KCNIP4: variants seen among roughly 807,000 people sequenced by gnomAD.
The protein encoded by KCNIP4 is Kv channel-interacting protein 4.
In KCNIP4, 12 loss-of-function variants were observed where a neutral mutation model predicts 34.0. That is an observed-to-expected ratio of 0.35 (90% CI 0.23 to 0.57). The LOEUF (loss-of-function observed/expected upper bound fraction) is 0.57, where lower values mean the gene tolerates loss of function less well. Ranked by LOEUF, KCNIP4 falls within the 20% of genes least tolerant of loss-of-function variation. The pLI is 0.83. For missense variants in KCNIP4, 238 were observed against 311.7 expected, an observed-to-expected ratio of 0.76 and a Z score of 1.78; for synonymous variants, 124 against 102.2, an observed-to-expected ratio of 1.21 and a Z score of -1.29.
At chr4:21,283,090 C>T (rs1762883145) in intron 1 of KCNIP4, among the ~76,000 whole-genome samples, 1 of 151,978 alleles carries the variant, frequency 6.6e-6, no homozygotes, top group Non-Finnish European at 1.5e-5. Context: ...CACAAAAGGC[C>T]CCATTTTCTA....
intron 5 of KCNIP4, among the ~76,000 whole-genome samples, chr4:20,745,204 T>C (rs1293474389): frequency 6.8e-6 from 1 of 147,794 alleles, no homozygotes; most frequent in Non-Finnish European, 1.5e-5. Context: ...TGTGAACCAA[T>C]GAAATTACCA....
chr4:21,761,555 A>G (rs1041189166), intron 1 of KCNIP4, among the ~76,000 whole-genome samples: 8 of 152,092 alleles, frequency 5.3e-5, no homozygotes, highest in Non-Finnish European at 1.2e-4. Context: ...AATTTAAAAC[A>G]TACAATTCTT....
intron 1 of KCNIP4, among the ~76,000 whole-genome samples, chr4:21,443,906 GA>G (rs970253119): frequency 3.6e-4 from 55 of 152,136 alleles, no homozygotes; most frequent in African/African-American, 1.2e-3. Flanking sequence ...CTCGAGCCTG[GA>G]ATCAAACAGA....
chr4:21,555,016 A>G (rs904075260), intron 1 of KCNIP4, among the ~76,000 whole-genome samples: 1 of 152,176 alleles, frequency 6.6e-6, no homozygotes, highest in Non-Finnish European at 1.5e-5. Context: ...TGAATAGCCT[A>G]TAGAAAGGCA....
At chr4:21,889,953 T>C (rs1389672035) in intron 1 of KCNIP4, among the ~76,000 whole-genome samples, 1 of 152,160 alleles carries the variant, frequency 6.6e-6, no homozygotes, top group Non-Finnish European at 1.5e-5. Context: ...GAATTGCTGG[T>C]GGCATTGATG....
At chr4:21,258,019 G>C (rs1012031977) in intron 1 of KCNIP4, among the ~76,000 whole-genome samples, 2 of 152,038 alleles carry the variant, frequency 1.3e-5, no homozygotes, top group Admixed American at 6.6e-5. Flanking sequence ...TTTGTCCTTA[G>C]AATCAAATAT....
At chr4:21,789,849 C>A (rs1326929520) in intron 1 of KCNIP4, among the ~76,000 whole-genome samples, 1 of 152,098 alleles carries the variant, frequency 6.6e-6, no homozygotes, top group Non-Finnish European at 1.5e-5. Flanking sequence ...GGCAACCCAC[C>A]CAAGTTGGGC....
At chr4:20,802,770 A>G (rs1373590190) in intron 3 of KCNIP4, among the ~76,000 whole-genome samples, 4 of 152,212 alleles carry the variant, frequency 2.6e-5, no homozygotes, top group Admixed American at 6.5e-5. Context: ...ATAAATCAAA[A>G]GAGAAATTTT....
At chr4:21,913,748 GA>G in intron 1 of KCNIP4, among the ~76,000 whole-genome samples, 1 of 152,158 alleles carries the variant, frequency 6.6e-6, no homozygotes, top group Middle Eastern at 3.4e-3. Flanking sequence ...AAGGACTATT[GA>G]AAAAAATATG....
At chr4:21,087,392 A>G (rs1423888254) in intron 1 of KCNIP4, among the ~76,000 whole-genome samples, 1 of 151,896 alleles carries the variant, frequency 6.6e-6, no homozygotes, top group Non-Finnish European at 1.5e-5. Context: ...TAGCCAGGAT[A>G]GTCTCAATCT....
At chr4:21,257,229 G>T (rs1291262188) in intron 1 of KCNIP4, among the ~76,000 whole-genome samples, 4 of 152,106 alleles carry the variant, frequency 2.6e-5, no homozygotes, top group Non-Finnish European at 5.9e-5. Flanking sequence ...CTTTTGGCAT[G>T]TTCGATTTGA....
At chr4:21,098,113 A>T (rs1452564789) in intron 1 of KCNIP4, among the ~76,000 whole-genome samples, 1 of 152,216 alleles carries the variant, frequency 6.6e-6, no homozygotes. Context: ...GAATAAAGTG[A>T]CTTTCTTCAC....
chr4:21,615,547 A>G (rs1744533411), intron 1 of KCNIP4, among the ~76,000 whole-genome samples: 1 of 112,228 alleles, frequency 8.9e-6, no homozygotes, highest in Admixed American at 9.7e-5. Flanking sequence ...CTCCGCCTCA[A>G]AAAAACAAAA....
In KCNIP4 at chr4:21,180,942, G is replaced by A. The variant is rs374510598; in HGVS notation, c.62-298233C>T. On this transcript the variant is annotated intron_variant, in intron 1 of 8. Transcript: ENST00000382152. Reference sequence around the variant, plus strand: ...AGTTTATACTGAAAGGGGAGGATGTGTTAATCTGTTTTAAGTTTAGGCTAC... The same window carrying A: ...AGTTTATACTGAAAGGGGAGGATGTATTAATCTGTTTTAAGTTTAGGCTAC... Among the ~76,000 whole-genome samples, 14 of 152,164 alleles carry A rather than the reference G, an allele frequency of 9.2e-5. No individual in the cohort carries two copies. The East Asian group carries it at 1.5e-3, about 17-fold the overall frequency.
intron 1 of KCNIP4, among the ~76,000 whole-genome samples, chr4:21,742,900 G>A (rs1036897094): frequency 6.7e-6 from 1 of 149,612 alleles, no homozygotes; most frequent in East Asian, 2.0e-4. Flanking sequence ...TAGTGGGATA[G>A]ATATGCCTTT....
At chr4:21,577,705 G>C (rs759666307) in intron 1 of KCNIP4, among the ~76,000 whole-genome samples, 4 of 152,088 alleles carry the variant, frequency 2.6e-5, no homozygotes, top group Non-Finnish European at 5.9e-5. Context: ...GTGCCTCTAT[G>C]CCGTTGCACA....
At chr4:21,150,058 A>C (rs1752651099) in intron 1 of KCNIP4, among the ~76,000 whole-genome samples, 1 of 152,190 alleles carries the variant, frequency 6.6e-6, no homozygotes, top group Non-Finnish European at 1.5e-5. Flanking sequence ...CAATGATAGA[A>C]TTGCCTGTCA....
At chr4:21,095,503 C>T (rs1747381445) in intron 1 of KCNIP4, among the ~76,000 whole-genome samples, 1 of 152,084 alleles carries the variant, frequency 6.6e-6, no homozygotes, top group Non-Finnish European at 1.5e-5. Context: ...TTTAAAAACA[C>T]ATACTAATTA....
chr4:21,815,618 A>G (rs915369770), intron 1 of KCNIP4, among the ~76,000 whole-genome samples: 1 of 152,178 alleles, frequency 6.6e-6, no homozygotes, highest in East Asian at 1.9e-4. Context: ...CTACAAGTAC[A>G]TACCAAGACA....
Sources: allele counts gnomAD v4.1 joint callset (sites outside exome capture counted in the v4.1 genomes callset), GRCh38; gene constraint gnomAD v4.1.1; transcripts MANE v1.5; gene names NCBI Gene and HGNC (gene_info 2026-07-23, HGNC 2026-07-21).